The following ANKRD13C variants were observed in gnomAD, a reference collection of about 807,000 sequenced individuals.
The protein encoded by ANKRD13C is ankyrin repeat domain 13C.
ANKRD13C carries 16 observed loss-of-function variants against 65.5 expected under a neutral mutation model. That is an observed-to-expected ratio of 0.24 (90% CI 0.17 to 0.37). ANKRD13C has a LOEUF of 0.37. Among genes scored for constraint, ANKRD13C ranks in the 10% least tolerant of loss-of-function variants. The pLI is 1.00. For synonymous variants in ANKRD13C, 235 were observed against 238.7 expected (o/e 0.98, Z 0.14); for missense variants, 503 against 655.9 (o/e 0.77, Z 2.55).
intron 9 of ANKRD13C, among the ~76,000 whole-genome samples, chr1:70,285,016 TATA>T (rs2101199092): frequency 6.6e-6 from 1 of 152,248 alleles, no homozygotes; most frequent in South Asian, 2.1e-4. Flanking sequence ...TCTGATAAAA[TATA>T]ATGCTTTCCA....
At chr1:70,290,972 T>G (rs1679840024) in intron 9 of ANKRD13C, among the ~76,000 whole-genome samples, 1 of 152,054 alleles carries the variant, frequency 6.6e-6, no homozygotes. Flanking sequence ...TACTAAAGGA[T>G]CCCTATATTG....
Position 70,260,808 on chromosome 1 carries a change from A to T in ANKRD13C, c.*1909T>A, listed in dbSNP as rs1678362888. The T allele has an allele frequency of 2.6e-5, 4 of 152,116 alleles. No individual in the cohort carries two copies. Among genetic ancestry groups the T allele is most frequent in the Non-Finnish European group, 1.5e-5 (1 of 67,966 alleles). The allele number at this position is 152,116 out of a possible 1,614,324, so 9.4% of individuals were successfully genotyped here. ...TTCCTACCTCCAGTGTACCCCAGCAAAATATTCATAGCTGTGCTGTTAGGA... is the reference window on the plus strand; with the variant it reads ...TTCCTACCTCCAGTGTACCCCAGCATAATATTCATAGCTGTGCTGTTAGGA... On this transcript the variant is annotated 3_prime_UTR_variant, in exon 13 of 13. Transcript: ENST00000370944.
chr1:70,289,856 T>C (rs867090538), intron 9 of ANKRD13C, among the ~76,000 whole-genome samples: 2 of 152,110 alleles, frequency 1.3e-5, no homozygotes, highest in Non-Finnish European at 2.9e-5. Flanking sequence ...TCTAATAAAA[T>C]TTAAATCACA....
intron 3 of ANKRD13C, among the ~76,000 whole-genome samples, chr1:70,318,865 T>G (rs1248661645): frequency 1.3e-5 from 2 of 152,014 alleles, no homozygotes; most frequent in East Asian, 3.9e-4. Flanking sequence ...GTATTTTTAG[T>G]AGAAACAGGG....
At chr1:70,316,330 T>C (rs768032423) in intron 3 of ANKRD13C, among the ~76,000 whole-genome samples, 2 of 152,158 alleles carry the variant, frequency 1.3e-5, no homozygotes, top group East Asian at 1.9e-4. Context: ...GTGGGTAAAC[T>C]TGGACAAGTT....
intron 7 of ANKRD13C, among the ~76,000 whole-genome samples, chr1:70,297,993 C>A (rs1460607451): frequency 6.6e-6 from 1 of 151,580 alleles, no homozygotes; most frequent in Non-Finnish European, 1.5e-5. Flanking sequence ...ATTTCCTCTA[C>A]CCCTACAAGT....
intron 5 of ANKRD13C, among the ~76,000 whole-genome samples, chr1:70,306,607 AC>A (rs1304764949): frequency 6.6e-6 from 1 of 152,184 alleles, no homozygotes; most frequent in East Asian, 1.9e-4. Flanking sequence ...CCCTATGGTA[AC>A]TAAACCCTCC....
Position 70,296,196 on chromosome 1 carries a change from A to G in ANKRD13C, c.987T>C (p.Thr329=), listed in dbSNP as rs1293600357. 2.5e-6 allele frequency: 4 copies of G among 1,613,916 alleles called. No homozygotes were observed. Among genetic ancestry groups the G allele is most frequent in the Non-Finnish European group, 3.4e-6 (4 of 1,179,966 alleles). ...TGAAAGAAATTGATTTTGTTGATAA[A>G]GTTGCAGAGTAAATATCACTGCTCA... ...ILMSSDIYSA[T]LSTKSISFTR... The change falls in exon 8 of 13, where the codon ACT becomes ACC. Residue 329 remains threonine, a synonymous_variant. Transcript: ENST00000370944.
intron 3 of ANKRD13C, among the ~76,000 whole-genome samples, chr1:70,321,612 G>A (rs1681312312): frequency 1.3e-5 from 2 of 152,124 alleles, no homozygotes; most frequent in African/African-American, 4.8e-5. Flanking sequence ...AGAAACCAGA[G>A]CTGTCTCGAT....
At chr1:70,274,912 T>C (rs1679063741) in intron 10 of ANKRD13C, 94 bp from the exon 11 acceptor site, 2 of 777,922 alleles carry the variant, frequency 2.6e-6, no homozygotes, top group African/African-American at 3.5e-5. Context: ...CATTCATTAA[T>C]ATTTCAATTT....
intron 2 of ANKRD13C, among the ~76,000 whole-genome samples, chr1:70,325,601 G>A (rs536923297): frequency 1.4e-3 from 217 of 152,182 alleles, no homozygotes; most frequent in Non-Finnish European, 2.0e-3. Flanking sequence ...AAAGTTGGCC[G>A]GGCGCGGTGG....
At chr1:70,302,799 G>A (rs191438213) in intron 6 of ANKRD13C, among the ~76,000 whole-genome samples, 301 of 147,168 alleles carry the variant, frequency 2.0e-3, no homozygotes, top group Middle Eastern at 0.011. Context: ...TCTATAAGAT[G>A]TGGGCTCCTG....
intron 2 of ANKRD13C, among the ~76,000 whole-genome samples, chr1:70,329,795 A>G (rs1681703036): frequency 6.6e-6 from 1 of 151,900 alleles, no homozygotes; most frequent in Non-Finnish European, 1.5e-5. Context: ...TATAATTTAA[A>G]AAAAAAAGAA....
At chr1:70,298,488 T>C (rs946597725) in intron 7 of ANKRD13C, among the ~76,000 whole-genome samples, 2 of 131,636 alleles carry the variant, frequency 1.5e-5, no homozygotes, top group East Asian at 2.1e-4. Context: ...AATACATATA[T>C]GTATGTATAC....
chr1:70,353,899 G>A, intron 1 of ANKRD13C, 80 bp downstream of exon 1: 3 of 1,429,072 alleles, frequency 2.1e-6, no homozygotes, highest in Non-Finnish European at 2.8e-6. Context: ...GCTGGAGGGG[G>A]CCTAGGATTC....
intron 4 of ANKRD13C, among the ~76,000 whole-genome samples, chr1:70,314,652 AAAAAGTGAT>A (rs1248753904): frequency 6.6e-6 from 1 of 152,050 alleles, no homozygotes; most frequent in Admixed American, 6.6e-5. Flanking sequence ...TTTCTTTTTC[AAAAAGTGAT>A]AAAAGTGAAT....
intron 9 of ANKRD13C, among the ~76,000 whole-genome samples, chr1:70,288,776 G>A (rs1679733091): frequency 6.6e-6 from 1 of 152,120 alleles, no homozygotes; most frequent in Admixed American, 6.5e-5. Context: ...CTATAAAAGA[G>A]GTACATGAGG....
rs1680132308 is a variant in ANKRD13C, at chr1:70,297,320, G to A, written c.922-1059C>T. 1.9e-5 allele frequency among the ~76,000 whole-genome samples: 2 copies of A among 105,570 alleles called. 1 individual carries two copies. The highest frequency in any genetic ancestry group is 7.4e-4 in the South Asian group (2 of 2,716). The allele number at this position is 105,570 out of a possible 152,430, so 69.3% of individuals were successfully genotyped here. On this transcript the variant is annotated intron_variant, in intron 7 of 12. Transcript: ENST00000370944. ...TTTTTTTTTTTTTTTTTGAGACAGA[G>A]TCCCGCTTTGTCGCCCAGGCTGGAG...
intron 3 of ANKRD13C, among the ~76,000 whole-genome samples, chr1:70,319,740 C>A (rs1681228234): frequency 6.6e-6 from 1 of 151,578 alleles, no homozygotes; most frequent in African/African-American, 2.4e-5. Flanking sequence ...ACTTCTAAAA[C>A]CCTTTGAGAC....
Sources: gnomAD v4.1 joint callset for allele counts (sites outside exome capture counted in the v4.1 genomes callset) on GRCh38, gnomAD v4.1.1 for gene constraint, MANE v1.5 for transcripts, NCBI Gene and HGNC (gene_info 2026-07-23, HGNC 2026-07-21) for gene names.